HERPUD1: variants seen among roughly 807,000 people sequenced by gnomAD.
HERPUD1 encodes homocysteine inducible ER protein with ubiquitin like domain 1, also known as homocysteine-responsive endoplasmic reticulum-resident ubiquitin-like domain member 1 protein.
HERPUD1 carries 17 observed loss-of-function variants against 45.0 expected under a neutral mutation model. The ratio of observed to expected loss-of-function variants is 0.38; its 90% CI spans 0.26 to 0.57. HERPUD1 has a LOEUF of 0.57. Ranked by LOEUF, HERPUD1 falls within the 20% of genes least tolerant of loss-of-function variation. The probability of loss-of-function intolerance (pLI) is 0.72; values close to 1 mark genes in which losing one functional copy is unlikely to be tolerated. For missense variants in HERPUD1, 420 were observed against 490.5 expected (o/e 0.86, Z 1.36); for synonymous variants, 164 against 177.5 (o/e 0.92, Z 0.61).
At chr16:56,934,955 G>A (rs2055854763) in intron 1 of HERPUD1, 2 of 343,140 alleles carry the variant, frequency 5.8e-6, no homozygotes, top group Admixed American at 4.3e-5. Context: ...CAGGTGATCT[G>A]CCCGCCTTGG....
At chr16:56,933,131 TC>T (rs1262763362) in intron 1 of HERPUD1, 1 of 390,462 alleles carries the variant, frequency 2.6e-6, no homozygotes, top group Admixed American at 3.2e-5. Flanking sequence ...AGCTGGCCCT[TC>T]CTGTATTTAC....
In HERPUD1 at chr16:56,932,180, C is replaced by A. The variant is rs761330635; in HGVS notation, c.-65C>A. ...GAACTGTCGTTGCAGAGATTGCGGG[C>A]GGCTGAGACGCCGCCTGCCTGGCAC... On this transcript the variant is annotated 5_prime_UTR_variant, in exon 1 of 8. Transcript: ENST00000439977. 1.3e-5 allele frequency: 21 copies of A among 1,573,920 alleles called. No individual in the cohort carries two copies. The African/African-American group carries it at 2.1e-4, about 16-fold the overall frequency.
chr16:56,942,492 A>C (rs1202626397), intron 7 of HERPUD1, among the ~76,000 whole-genome samples: 1 of 152,200 alleles, frequency 6.6e-6, no homozygotes, highest in Non-Finnish European at 1.5e-5. Flanking sequence ...CACTATTTTG[A>C]GCGTTCAGTG....
At chr16:56,935,084 C>CTTGTAT (rs1397548689) in intron 1 of HERPUD1, 151 bp from the exon 2 acceptor site, 2 of 616,560 alleles carry the variant, frequency 3.2e-6, no homozygotes, top group African/African-American at 3.7e-5. Context: ...AAATAGAAGT[C>CTTGTAT]TTGTATATGG....
intron 1 of HERPUD1, 26 bp downstream of exon 1, chr16:56,932,417 C>G: frequency 1.3e-6 from 2 of 1,529,334 alleles, no homozygotes; most frequent in South Asian, 2.4e-5. Context: ...ACTTCCCGCC[C>G]CTAGGCTGTG....
Position 56,932,390 on chromosome 16 carries a change from C to A in HERPUD1, c.146C>A (p.Pro49Gln). 6.3e-7 allele frequency: 1 copy of A among 1,576,752 alleles called. No homozygotes were observed. ...CTGAGCCGCGTCTACCCCGAGCGTC[C>A]GGTGAGAGCGGCCCCGACTTCCCGC... ...AHLSRVYPER[P>Q]RPEDQRLIYS... Residue 49 changes from proline (P) to glutamine (Q), a missense_variant and splice_region_variant, in exon 1 of 8, where the codon CCG (proline) becomes CAG (glutamine). Physicochemically the swap from Pro to Gln is moderately conservative, Grantham distance 76 (BLOSUM62 -1). Coordinates refer to ENST00000439977, the MANE Select transcript of HERPUD1 (RefSeq NM_014685.4).
At chr16:56,935,507 T>G in intron 3 of HERPUD1, 32 bp downstream of exon 3, 1 of 1,572,316 alleles carries the variant, frequency 6.4e-7, no homozygotes, top group Non-Finnish European at 8.8e-7. Context: ...GGTAACAATT[T>G]GTATCATTCA....
intron 5 of HERPUD1, among the ~76,000 whole-genome samples, 193 bp downstream of exon 5, chr16:56,939,552 G>A (rs2055893400): frequency 6.6e-6 from 1 of 152,222 alleles, no homozygotes; most frequent in Non-Finnish European, 1.5e-5. Context: ...ACACAAGGGT[G>A]CTTTTGTCTG....
At chr16:56,936,651 G>C in intron 3 of HERPUD1, 36 bp from the exon 4 acceptor site, 1 of 1,520,690 alleles carries the variant, frequency 6.6e-7, no homozygotes, top group Non-Finnish European at 8.9e-7. Flanking sequence ...AGTTGCATCA[G>C]CTCCTTTGTT....
Position 56,943,283 on chromosome 16 carries a change from C to T in HERPUD1, c.1169C>T (p.Ala390Val). ...SLLPEGPPAI[A>V]N is the part of the protein sequence containing the mutation. ...CTTCCAGAAGGCCCCCCAGCCATCGCAAACTGATGGTGTTTGTGCTGTAGC... is the reference window on the plus strand; with the variant it reads ...CTTCCAGAAGGCCCCCCAGCCATCGTAAACTGATGGTGTTTGTGCTGTAGC... Residue 390 changes from alanine to valine, a missense_variant, in exon 8 of 8, where the codon GCA (alanine) becomes GTA (valine). Ala to Val is a moderately conservative substitution (Grantham distance 64). Coordinates refer to ENST00000439977, the MANE Select transcript of HERPUD1 (RefSeq NM_014685.4). The T allele has an allele frequency of 6.2e-7, 1 of 1,614,086 alleles. No individual in the cohort carries two copies. Among genetic ancestry groups the T allele is most frequent in the Non-Finnish European group, 8.5e-7 (1 of 1,180,026 alleles).
At chr16:56,938,739 C>T (rs1007642780) in intron 4 of HERPUD1, among the ~76,000 whole-genome samples, 3 of 152,066 alleles carry the variant, frequency 2.0e-5, no homozygotes, top group East Asian at 1.9e-4. Context: ...TGTACAGGAC[C>T]CCCGGTGGTC....
At chr16:56,935,501 A>G in intron 3 of HERPUD1, 26 bp downstream of exon 3, 1 of 1,590,108 alleles carries the variant, frequency 6.3e-7, no homozygotes, top group East Asian at 2.2e-5. Context: ...CATGATGGTA[A>G]CAATTTGTAT....
intron 4 of HERPUD1, among the ~76,000 whole-genome samples, chr16:56,938,664 C>A (rs1369014226): frequency 6.6e-6 from 1 of 152,150 alleles, no homozygotes; most frequent in African/African-American, 2.4e-5. Context: ...CCCTGTCTTC[C>A]CTGAGCTGTA....
chr16:56,936,551 G>T, intron 3 of HERPUD1, 136 bp from the exon 4 acceptor site: 1 of 573,334 alleles, frequency 1.7e-6, no homozygotes. Flanking sequence ...ACATAACGTT[G>T]CTTCTGTTTA....
rs1362131107 is a variant in HERPUD1 at position 56,940,351 on chromosome 16, T to A, written c.905+106T>A. ...TTTTTTGAGATGGAGTCTCGCTCTG[T>A]CATTCAGGCTGGAGTACAATGGCAC... is the stretch of plus-strand genomic sequence containing the variant. On this transcript the variant is annotated intron_variant, in intron 6 of 7. Coordinates refer to ENST00000439977, the MANE Select transcript of HERPUD1 (RefSeq NM_014685.4). The A allele has an allele frequency of 7.7e-6, 6 of 783,550 alleles. 1 individual carries two copies. The African/African-American group carries it at 1.0e-4, about 14-fold the overall frequency. 48.5% of individuals were successfully genotyped at this position (783,550 alleles called of 1,614,324 possible). A position where few individuals can be genotyped will look rare whatever the true frequency, so the allele number is the denominator to read the frequency against.
In HERPUD1 at chr16:56,944,403, T is replaced by G. The variant is rs1422601802; in HGVS notation, c.*1113T>G. 4 of 152,206 alleles carry G rather than the reference T, an allele frequency of 2.6e-5. No homozygotes were observed. Among genetic ancestry groups the G allele is most frequent in the African/African-American group, 7.2e-5 (3 of 41,446 alleles). 9.4% of individuals were successfully genotyped at this position (152,206 alleles called of 1,614,324 possible). On this transcript the variant is annotated 3_prime_UTR_variant, in exon 8 of 8. Coordinates refer to ENST00000439977, the MANE Select transcript of HERPUD1 (RefSeq NM_014685.4). ...ATGCTTTTGTAAGCTGAGCTTATGTTTGTGATTTTAATCCTTTAAGTACTA... is the reference window on the plus strand; with the variant it reads ...ATGCTTTTGTAAGCTGAGCTTATGTGTGTGATTTTAATCCTTTAAGTACTA...
At position 56,936,835 on chromosome 16, in the gene HERPUD1, G is replaced by A; in HGVS notation, c.431+18G>A. 1 of 1,611,850 alleles carries A rather than the reference G, an allele frequency of 6.2e-7. No individual in the cohort carries two copies. Among genetic ancestry groups the A allele is most frequent in the Non-Finnish European group, 8.5e-7 (1 of 1,178,624 alleles). On this transcript the variant is annotated intron_variant, in intron 4 of 7. Transcript: ENST00000439977. Reference sequence around the variant, plus strand: ...ATCTCAAGGTGAGTGTTATAATAAAGATCTTGGCTTATGCAACATGAATGT... The same window carrying A: ...ATCTCAAGGTGAGTGTTATAATAAAAATCTTGGCTTATGCAACATGAATGT...
chr16:56,942,660 GC>G (rs545943028), intron 7 of HERPUD1, among the ~76,000 whole-genome samples: 239 of 152,212 alleles, frequency 1.6e-3, no homozygotes, highest in African/African-American at 5.3e-3. Context: ...TTTAAGACCA[GC>G]CTGGCCAACA....
chr16:56,942,172 C>G lies in HERPUD1; in HGVS notation c.946C>G (p.Gln316Glu). Residue 316 changes from glutamine (Q) to glutamate (E), a missense_variant, in exon 7 of 8, where the codon CAG becomes GAG. Gln to Glu is a conservative substitution (Grantham distance 29, BLOSUM62 2). Coordinates refer to ENST00000439977, the MANE Select transcript of HERPUD1 (RefSeq NM_014685.4). ...GWFPFRPRPV[Q>E]NFPNDGPPPD... Reference sequence around the variant, plus strand: ...GTTTCCATTTAGACCGAGGCCGGTTCAGAACTTCCCAAATGATGGTCCTCC... The same window carrying G: ...GTTTCCATTTAGACCGAGGCCGGTTGAGAACTTCCCAAATGATGGTCCTCC... The G allele has an allele frequency of 6.2e-7, 1 of 1,614,122 alleles. No individual in the cohort carries two copies. The highest frequency in any genetic ancestry group is 8.5e-7 in the Non-Finnish European group (1 of 1,179,998).
Sources: allele counts gnomAD v4.1 joint callset (sites outside exome capture counted in the v4.1 genomes callset), GRCh38; gene constraint gnomAD v4.1.1; transcripts MANE v1.5; gene names NCBI Gene and HGNC (gene_info 2026-07-23, HGNC 2026-07-21).